The following SLC24A2 variants were observed in gnomAD, a reference collection of about 807,000 sequenced individuals.
SLC24A2 encodes solute carrier family 24 member 2.
SLC24A2 carries 36 observed loss-of-function variants against 62.0 expected under a neutral mutation model. The observed-to-expected ratio is 0.58, with a 90% CI of 0.44 to 0.77. The LOEUF (loss-of-function observed/expected upper bound fraction) is 0.77. SLC24A2 is among the 30% of genes least tolerant of loss of function. The pLI is 0.00. For synonymous variants in SLC24A2, 358 were observed against 294.0 expected (o/e 1.22, Z -2.23); for missense variants, 846 against 817.9 (o/e 1.03, Z -0.42).
chr9:19,904,234 T>C, the SLC24A2 span, among the ~76,000 whole-genome samples: 1 of 152,212 alleles, frequency 6.6e-6, no homozygotes, highest in Non-Finnish European at 1.5e-5. Context: ...AAGATGAACA[T>C]TTAATTCATG....
the SLC24A2 span, among the ~76,000 whole-genome samples, chr9:19,990,977 A>G: frequency 6.8e-6 from 1 of 147,562 alleles, no homozygotes; most frequent in East Asian, 2.0e-4. Flanking sequence ...ATATGTATGT[A>G]TATGTATGTA....
At chr9:19,611,546 G>A (rs1837171802) in intron 4 of SLC24A2, among the ~76,000 whole-genome samples, 2 of 152,030 alleles carry the variant, frequency 1.3e-5, no homozygotes, top group South Asian at 2.1e-4. Context: ...ACGCTCTAGG[G>A]CTTTTGCTCT....
At chr9:19,911,260 T>C in the SLC24A2 span, among the ~76,000 whole-genome samples, 1 of 152,274 alleles carries the variant, frequency 6.6e-6, no homozygotes, top group South Asian at 2.1e-4. Context: ...TCGTTTTTTA[T>C]GGCTGCATAG....
At chr9:19,945,691 G>T in the SLC24A2 span, among the ~76,000 whole-genome samples, 1 of 152,090 alleles carries the variant, frequency 6.6e-6, no homozygotes, top group Admixed American at 6.5e-5. Context: ...ATGAAGAATT[G>T]GAGACTCAAG....
At chr9:19,765,862 G>A (rs1326230569) in intron 2 of SLC24A2, among the ~76,000 whole-genome samples, 1 of 152,170 alleles carries the variant, frequency 6.6e-6, no homozygotes, top group East Asian at 1.9e-4. Flanking sequence ...GGTTGGGGAA[G>A]TTCTCCTGGA....
the SLC24A2 span, among the ~76,000 whole-genome samples, chr9:19,824,267 C>G: frequency 6.6e-6 from 1 of 152,136 alleles, no homozygotes. Context: ...TTGTTGCAAT[C>G]TATCCATCTG....
At chr9:19,912,382 G>A in the SLC24A2 span, among the ~76,000 whole-genome samples, 3 of 152,088 alleles carry the variant, frequency 2.0e-5, no homozygotes, top group Non-Finnish European at 4.4e-5. Context: ...TGAATTCCCT[G>A]TTCCTATCCC....
At chr9:19,866,412 T>C in the SLC24A2 span, among the ~76,000 whole-genome samples, 1 of 152,188 alleles carries the variant, frequency 6.6e-6, no homozygotes, top group Non-Finnish European at 1.5e-5. Context: ...ATGTTTGTTG[T>C]AGCACTCTTC....
At chr9:20,146,234 G>C in the SLC24A2 span, among the ~76,000 whole-genome samples, 41 of 152,056 alleles carry the variant, frequency 2.7e-4, no homozygotes, top group Admixed American at 1.8e-3. Context: ...GAGGGGCAAG[G>C]GATCATCAGC....
intron 2 of SLC24A2, among the ~76,000 whole-genome samples, chr9:19,723,855 T>C (rs921543390): frequency 1.3e-5 from 2 of 152,100 alleles, no homozygotes; most frequent in African/African-American, 2.4e-5. Flanking sequence ...AAAAGCTTAA[T>C]TGGACAAACA....
chr9:20,017,910 G>A, the SLC24A2 span, among the ~76,000 whole-genome samples: 1 of 152,106 alleles, frequency 6.6e-6, no homozygotes, highest in Non-Finnish European at 1.5e-5. Context: ...AATCTCCTTT[G>A]GCAACACCCT....
chr9:19,753,680 G>T (rs1182678), intron 2 of SLC24A2, among the ~76,000 whole-genome samples: 78,138 of 151,872 alleles, frequency 0.51, 20,436 homozygotes, highest in South Asian at 0.58. Flanking sequence ...GCACACTGTT[G>T]GCCTACTTGG....
At chr9:20,279,504 C>G in the SLC24A2 span, among the ~76,000 whole-genome samples, 4 of 151,992 alleles carry the variant, frequency 2.6e-5, no homozygotes, top group Non-Finnish European at 2.9e-5. Context: ...GCACTCCAGC[C>G]CGAGCAACAA....
the SLC24A2 span, among the ~76,000 whole-genome samples, chr9:19,848,401 C>T: frequency 6.6e-6 from 1 of 152,028 alleles, no homozygotes; most frequent in African/African-American, 2.4e-5. Flanking sequence ...ATTTATTTTC[C>T]TCTTGGTTCT....
chr9:19,915,651 A>G, the SLC24A2 span, among the ~76,000 whole-genome samples: 1 of 152,102 alleles, frequency 6.6e-6, no homozygotes, highest in Non-Finnish European at 1.5e-5. Context: ...ATGAAGTAGC[A>G]TCTCATTGTG....
chr9:20,277,487 T>C, the SLC24A2 span, among the ~76,000 whole-genome samples: 2 of 151,534 alleles, frequency 1.3e-5, no homozygotes, highest in South Asian at 4.1e-4. Flanking sequence ...CATGAAAAAA[T>C]GTTCATCATC....
the SLC24A2 span, among the ~76,000 whole-genome samples, chr9:19,955,911 T>C: frequency 6.6e-6 from 1 of 152,192 alleles, no homozygotes; most frequent in Admixed American, 6.5e-5. Flanking sequence ...CCTTACAAAA[T>C]TTTCAACCAA....
chr9:19,567,672 G>C (rs988454466), intron 7 of SLC24A2, among the ~76,000 whole-genome samples: 2 of 129,960 alleles, frequency 1.5e-5, no homozygotes, highest in Non-Finnish European at 3.2e-5. Context: ...GTAAATGCTA[G>C]TAAATTTTTA....
the SLC24A2 span, among the ~76,000 whole-genome samples, chr9:19,855,185 T>G: frequency 6.6e-6 from 1 of 152,148 alleles, no homozygotes; most frequent in South Asian, 2.1e-4. Context: ...ATGGGTGTCT[T>G]TGCACATAAG....
Sources: allele counts gnomAD v4.1 joint callset (sites outside exome capture counted in the v4.1 genomes callset), GRCh38; gene constraint gnomAD v4.1.1; transcripts MANE v1.5; gene names NCBI Gene and HGNC (gene_info 2026-07-23, HGNC 2026-07-21).